The following GATAD2B variants were observed in gnomAD, a reference collection of about 807,000 sequenced individuals.
GATAD2B encodes the protein GATA zinc finger domain containing 2B.
In GATAD2B, 8 loss-of-function variants were observed where a neutral mutation model predicts 64.3. The ratio of observed to expected loss-of-function variants is 0.12; its 90% CI spans 0.07 to 0.22. GATAD2B has a LOEUF of 0.22. Among genes scored for constraint, GATAD2B ranks in the 10% least tolerant of loss-of-function variants. GATAD2B has a pLI of 1.00. For synonymous variants in GATAD2B, 281 were observed against 271.3 expected (o/e 1.04, Z -0.35); for missense variants, 453 against 752.0 (o/e 0.60, Z 4.65).
At chr1:153,861,394 C>T (rs1288924239) in intron 1 of GATAD2B, among the ~76,000 whole-genome samples, 4 of 150,872 alleles carry the variant, frequency 2.7e-5, no homozygotes, top group South Asian at 4.2e-4. Flanking sequence ...CCTCCCACCC[C>T]GGGCCATCTC....
intron 1 of GATAD2B, among the ~76,000 whole-genome samples, chr1:153,859,883 T>G (rs1676217123): frequency 6.6e-6 from 1 of 150,534 alleles, no homozygotes; most frequent in Non-Finnish European, 1.5e-5. Flanking sequence ...TTCTTTGTGC[T>G]GTCAAGGAAT....
chr1:153,910,601 G>A (rs1488830631), intron 1 of GATAD2B, among the ~76,000 whole-genome samples: 1 of 152,022 alleles, frequency 6.6e-6, no homozygotes, highest in Non-Finnish European at 1.5e-5. Context: ...TTAGCCAGAC[G>A]TGGTGGCGAG....
intron 1 of GATAD2B, among the ~76,000 whole-genome samples, chr1:153,913,083 C>T (rs1205588551): frequency 6.6e-6 from 1 of 151,750 alleles, no homozygotes; most frequent in Non-Finnish European, 1.5e-5. Flanking sequence ...AGTGAGACTC[C>T]GTCTCTAAAA....
chr1:153,820,256 C>T (rs928566164), intron 2 of GATAD2B, among the ~76,000 whole-genome samples: 3 of 152,098 alleles, frequency 2.0e-5, no homozygotes, highest in African/African-American at 7.2e-5. Context: ...ATATATTGAA[C>T]TTGCATCTAC....
chr1:153,836,246 T>C (rs1252181357), intron 1 of GATAD2B, among the ~76,000 whole-genome samples: 1 of 148,592 alleles, frequency 6.7e-6, no homozygotes, highest in Non-Finnish European at 1.5e-5. Context: ...GGGAGACTCA[T>C]CTCTAAAAAA....
intron 1 of GATAD2B, among the ~76,000 whole-genome samples, chr1:153,887,672 C>T (rs11264515): frequency 0.026 from 3,947 of 152,098 alleles, 173 homozygotes; most frequent in African/African-American, 0.088. Context: ...AAGGTGTGTG[C>T]CACTGTACAC....
intron 1 of GATAD2B, among the ~76,000 whole-genome samples, chr1:153,855,656 T>C (rs1349511997): frequency 6.6e-6 from 1 of 152,160 alleles, no homozygotes; most frequent in Admixed American, 6.6e-5. Context: ...ATTCAAGGTA[T>C]GAGTATGGCT....
rs377404957 is a variant in GATAD2B, at chr1:153,837,330, AAAC to A, written c.-1-8985_-1-8983del. 1.4e-4 allele frequency among the ~76,000 whole-genome samples: 21 copies of A among 150,778 alleles called. 1 individual carries two copies. Among genetic ancestry groups the A allele is most frequent in the Admixed American group, 1.2e-3 (18 of 14,826 alleles). On this transcript the variant is annotated intron_variant, in intron 1 of 10. Coordinates refer to ENST00000368655, the MANE Select transcript of GATAD2B (RefSeq NM_020699.4). ...ACAGAGTAAGATGCCCTTATCTCAA[AAAC>A]AACAACAACAAAAACAAACAAAAAA...
At chr1:153,899,367 G>A (rs1054112157) in intron 1 of GATAD2B, among the ~76,000 whole-genome samples, 11 of 152,130 alleles carry the variant, frequency 7.2e-5, no homozygotes, top group South Asian at 6.2e-4. Flanking sequence ...TCAGGAGCTC[G>A]AGACCAGCGT....
intron 1 of GATAD2B, among the ~76,000 whole-genome samples, chr1:153,873,051 A>C (rs1215666184): frequency 1.3e-5 from 2 of 152,016 alleles, no homozygotes; most frequent in African/African-American, 4.8e-5. Flanking sequence ...GCTATTGCTC[A>C]GGGTTACCCT....
intron 1 of GATAD2B, among the ~76,000 whole-genome samples, chr1:153,871,361 G>A (rs549190528): frequency 5.3e-5 from 8 of 150,296 alleles, no homozygotes; most frequent in South Asian, 2.1e-4. Context: ...GACCACACCC[G>A]GCCACTTGTT....
chr1:153,878,207 T>C lies in GATAD2B; in HGVS notation c.-2+44526A>G, dbSNP rs542892061. Among the ~76,000 whole-genome samples the C allele has an allele frequency of 2.6e-5, 4 of 151,914 alleles. No homozygotes were observed. The South Asian group carries it at 6.2e-4, about 24-fold the overall frequency. ...TTTTTGAGACAGGGTCTCACTTTGT[T>C]TTCCAGGCTAGAGTGCAGTGGTGCA... On this transcript the variant is annotated intron_variant, in intron 1 of 10. Transcript: ENST00000368655.
intron 1 of GATAD2B, among the ~76,000 whole-genome samples, chr1:153,857,139 T>C (rs933307742): frequency 5.4e-5 from 4 of 73,738 alleles, no homozygotes; most frequent in Middle Eastern, 6.7e-3. Context: ...TGCATATGCA[T>C]ATATATATAT....
At chr1:153,828,427 T>C in intron 1 of GATAD2B, 79 bp from the exon 2 acceptor site, 1 of 973,934 alleles carries the variant, frequency 1.0e-6, no homozygotes, top group Non-Finnish European at 1.5e-6. Flanking sequence ...AATGGTGAAG[T>C]TATTAACAAG....
At chr1:153,810,462 C>A (rs778926247) in intron 10 of GATAD2B, 152 bp from the exon 11 acceptor site, 1 of 731,184 alleles carries the variant, frequency 1.4e-6, no homozygotes, top group Non-Finnish European at 2.3e-6. Context: ...TCAACAGCAA[C>A]TTTCTTTTTC....
chr1:153,851,185 T>C (rs560308118), intron 1 of GATAD2B, among the ~76,000 whole-genome samples: 6 of 152,336 alleles, frequency 3.9e-5, no homozygotes, highest in South Asian at 2.1e-4. Flanking sequence ...CTCACATAAG[T>C]AGACTCACAT....
chr1:153,826,247 C>T (rs182578011), intron 2 of GATAD2B, among the ~76,000 whole-genome samples: 137 of 152,056 alleles, frequency 9.0e-4, no homozygotes, highest in Admixed American at 2.0e-3. Flanking sequence ...TCGTGATCCA[C>T]CCGCCTCATG....
chr1:153,871,126 G>A (rs1291243454), intron 1 of GATAD2B, among the ~76,000 whole-genome samples: 1 of 152,058 alleles, frequency 6.6e-6, no homozygotes, highest in Non-Finnish European at 1.5e-5. Flanking sequence ...GAGTGCAGTG[G>A]CGCGATCTCG....
intron 4 of GATAD2B, 109 bp downstream of exon 4, chr1:153,818,682 C>T (rs1465097834): frequency 1.5e-5 from 14 of 950,278 alleles, no homozygotes; most frequent in South Asian, 3.2e-5. Context: ...TAAAAAACTA[C>T]GGACCCAGAG....
Sources: gnomAD v4.1 joint callset for allele counts (sites outside exome capture counted in the v4.1 genomes callset) on GRCh38, gnomAD v4.1.1 for gene constraint, MANE v1.5 for transcripts, NCBI Gene and HGNC (gene_info 2026-07-23, HGNC 2026-07-21) for gene names.